LMO7: variants seen among roughly 807,000 people sequenced by gnomAD.
LMO7 encodes the protein LIM domain 7, also known as LIM domain only protein 7.
A neutral mutation model predicts 206.5 loss-of-function variants in LMO7; 120 were observed. That is an observed-to-expected ratio of 0.58 (90% CI 0.50 to 0.68). LMO7 has a LOEUF of 0.68. Among genes scored for constraint, LMO7 ranks in the 30% least tolerant of loss-of-function variants. The pLI is 0.00. For missense variants in LMO7, 1,959 were observed against 1,957.9 expected (o/e 1.00, Z -0.01); for synonymous variants, 706 against 681.5 (o/e 1.04, Z -0.56).
chr13:75,714,561 C>A (rs77435736), intron 2 of LMO7, among the ~76,000 whole-genome samples: 1 of 152,036 alleles, frequency 6.6e-6, no homozygotes, highest in African/African-American at 2.4e-5. Context: ...TTTCACCTAA[C>A]GTATAGGTGA....
chr13:75,681,095 C>G (rs878986913), intron 1 of LMO7, among the ~76,000 whole-genome samples: 5 of 151,840 alleles, frequency 3.3e-5, no homozygotes, highest in Admixed American at 6.6e-5. Context: ...CAGAACTTTT[C>G]TCCCATTCTG....
intron 9 of LMO7, 53 bp from the exon 10 acceptor site, chr13:75,807,427 T>C: frequency 6.4e-7 from 1 of 1,574,178 alleles, no homozygotes; most frequent in Non-Finnish European, 8.6e-7. Context: ...CTAATTACCT[T>C]TTCTCCCTAA....
intron 1 of LMO7, among the ~76,000 whole-genome samples, chr13:75,699,286 T>G (rs1459480576): frequency 6.6e-6 from 1 of 152,204 alleles, no homozygotes. Flanking sequence ...ACAGATTTAA[T>G]GTCTTTTCCA....
chr13:75,650,023 G>A (rs1197161402), intron 1 of LMO7, among the ~76,000 whole-genome samples: 4 of 152,170 alleles, frequency 2.6e-5, no homozygotes, highest in Admixed American at 2.0e-4. Context: ...TTTTTGTAGA[G>A]ATGGGGTTTT....
intron 3 of LMO7, among the ~76,000 whole-genome samples, chr13:75,737,772 T>TGAAATAAAAAA (rs1297459603): frequency 1.7e-4 from 1 of 5,814 alleles, no homozygotes; most frequent in South Asian, 6.7e-3. Context: ...AAAAATAAAA[T>TGAAATAAAAAA]AAAATAAAAT....
chr13:75,830,228 C>T (rs2058529219), intron 15 of LMO7, among the ~76,000 whole-genome samples: 1 of 152,108 alleles, frequency 6.6e-6, no homozygotes, highest in African/African-American at 2.4e-5. Flanking sequence ...CAAGAAGTTT[C>T]AGGAATAATT....
chr13:75,714,228 C>T (rs1025368555), intron 2 of LMO7, among the ~76,000 whole-genome samples: 5 of 152,168 alleles, frequency 3.3e-5, no homozygotes, highest in Admixed American at 3.3e-4. Context: ...AGTGACCTCA[C>T]ATCTTTGAAC....
chr13:75,756,511 A>C (rs1299167047), intron 3 of LMO7, among the ~76,000 whole-genome samples: 1 of 152,192 alleles, frequency 6.6e-6, no homozygotes, highest in African/African-American at 2.4e-5. Flanking sequence ...CAGAGGGTGT[A>C]GCCAAAAACC....
chr13:75,704,611 A>G (rs1023559658), intron 1 of LMO7, among the ~76,000 whole-genome samples: 1 of 152,212 alleles, frequency 6.6e-6, no homozygotes, highest in Non-Finnish European at 1.5e-5. Context: ...ATGGCTGCTT[A>G]AAAGAAATTG....
intron 25 of LMO7, among the ~76,000 whole-genome samples, chr13:75,843,204 A>C (rs2059693554): frequency 6.6e-6 from 1 of 152,222 alleles, no homozygotes; most frequent in South Asian, 2.1e-4. Flanking sequence ...TTAACTAGGC[A>C]GCTCTGCTTT....
chr13:75,833,579 C>T (rs1430444947), intron 16 of LMO7, among the ~76,000 whole-genome samples: 1 of 152,066 alleles, frequency 6.6e-6, no homozygotes, highest in East Asian at 1.9e-4. Flanking sequence ...ATGAAGTTTT[C>T]AGGGTGCTTC....
upstream of LMO7, among the ~76,000 whole-genome samples, chr13:75,633,026 T>C (rs2035192797): frequency 6.6e-6 from 1 of 151,806 alleles, no homozygotes; most frequent in Non-Finnish European, 1.5e-5. Flanking sequence ...CACACCTAGC[T>C]AACTTTTTTT....
At chr13:75,785,858 T>C (rs2052347067) in intron 4 of LMO7, among the ~76,000 whole-genome samples, 5 of 152,230 alleles carry the variant, frequency 3.3e-5, no homozygotes. Flanking sequence ...AGTTTTATAT[T>C]GGTTTTGAGC....
intron 4 of LMO7, among the ~76,000 whole-genome samples, chr13:75,766,896 T>TG (rs1188835543): frequency 1.3e-5 from 2 of 152,100 alleles, no homozygotes; most frequent in Non-Finnish European, 2.9e-5. Context: ...GCTTTGAAGA[T>TG]GGGGAAAAAC....
Position 75,834,527 on chromosome 13 carries a change from C to A in LMO7, c.3226+140C>A, listed in dbSNP as rs973285542. 1.0e-5 allele frequency: 6 copies of A among 586,728 alleles called. No homozygotes were observed. The African/African-American group carries it at 1.1e-4, about 11-fold the overall frequency. 36.3% of individuals were successfully genotyped at this position (586,728 alleles called of 1,614,324 possible). ...AAAGGTTTTTGTAGTTACGTCATGA[C>A]AAATCTTGAACCCTACCCCTTTGAA... On this transcript the variant is annotated intron_variant, in intron 17 of 30. Coordinates refer to ENST00000377534, the MANE Select transcript of LMO7 (RefSeq NM_001306080.2).
intron 1 of LMO7, among the ~76,000 whole-genome samples, chr13:75,671,252 G>A (rs1016096457): frequency 6.7e-6 from 1 of 150,164 alleles, no homozygotes; most frequent in African/African-American, 2.5e-5. Flanking sequence ...ATGATAAACA[G>A]TATAGTAACA....
chr13:75,633,705 C>T (rs146621132), upstream of LMO7, among the ~76,000 whole-genome samples: 7 of 152,082 alleles, frequency 4.6e-5, no homozygotes, highest in East Asian at 1.2e-3. Context: ...GGATCCTGGT[C>T]TGAGTAAGTC....
chr13:75,681,874 C>T (rs2040566663), intron 1 of LMO7, among the ~76,000 whole-genome samples: 1 of 151,414 alleles, frequency 6.6e-6, no homozygotes, highest in Non-Finnish European at 1.5e-5. Flanking sequence ...GAGTAGTATT[C>T]CTTGCATGGA....
At chr13:75,810,087 C>T (rs1002940863) in intron 11 of LMO7, among the ~76,000 whole-genome samples, 3 of 152,154 alleles carry the variant, frequency 2.0e-5, no homozygotes, top group Admixed American at 6.5e-5. Context: ...CCACCTCAGC[C>T]TCCCAAAGTG....
Sources: allele counts gnomAD v4.1 joint callset (sites outside exome capture counted in the v4.1 genomes callset), GRCh38; gene constraint gnomAD v4.1.1; transcripts MANE v1.5; gene names NCBI Gene and HGNC (gene_info 2026-07-23, HGNC 2026-07-21).